The following WWC1 variants were observed in gnomAD, a reference collection of about 807,000 sequenced individuals.
The protein encoded by WWC1 is protein KIBRA.
Under a neutral mutation model 138.4 loss-of-function variants are expected in WWC1, and 55 were observed. The ratio of observed to expected loss-of-function variants is 0.40; its 90% CI spans 0.32 to 0.50. The LOEUF (loss-of-function observed/expected upper bound fraction) is 0.50, where lower values mean the gene tolerates loss of function less well. Ranked by LOEUF, WWC1 falls within the 20% of genes least tolerant of loss-of-function variation. The pLI is 0.72. For missense variants in WWC1, 1,226 were observed against 1,420.4 expected, an observed-to-expected ratio of 0.86 and a Z score of 2.20; for synonymous variants, 524 against 564.9, an observed-to-expected ratio of 0.93 and a Z score of 1.03.
intron 17 of WWC1, among the ~76,000 whole-genome samples, chr5:168,446,668 G>T (rs572039184): frequency 1.3e-5 from 2 of 152,178 alleles, no homozygotes; most frequent in African/African-American, 4.8e-5. Context: ...TGGGCAAGTC[G>T]CTCTAACCTT....
At chr5:168,306,026 T>C (rs1267808723) in intron 1 of WWC1, among the ~76,000 whole-genome samples, 1 of 152,196 alleles carries the variant, frequency 6.6e-6, no homozygotes, top group Non-Finnish European at 1.5e-5. Context: ...TAAAACCTAA[T>C]ATGTATAGTT....
intron 1 of WWC1, among the ~76,000 whole-genome samples, chr5:168,312,641 T>G (rs912221651): frequency 1.3e-5 from 2 of 152,184 alleles, no homozygotes; most frequent in Admixed American, 6.5e-5. Context: ...AGCCTATGCC[T>G]CCTAACCCTT....
chr5:168,340,429 TATA>T (rs1243565507), intron 1 of WWC1, among the ~76,000 whole-genome samples: 1 of 152,316 alleles, frequency 6.6e-6, no homozygotes, highest in East Asian at 1.9e-4. Flanking sequence ...CAATCACTTT[TATA>T]ATATTTTCAT....
In WWC1 at chr5:168,471,373, C is replaced by A. The variant is rs1757666052; in HGVS notation, c.*2356C>A. ...TTCTCTCTCCTTCCATTGAATTCCA[C>A]CAGACACATTCAGGGTTTACTTCGT... is the stretch of plus-strand genomic sequence containing the variant. On this transcript the variant is annotated 3_prime_UTR_variant, in exon 23 of 23. Coordinates refer to ENST00000265293, the MANE Select transcript of WWC1 (RefSeq NM_015238.3). The A allele has an allele frequency of 6.6e-6, 1 of 152,334 alleles. No individual in the cohort carries two copies. The highest frequency in any genetic ancestry group is 2.4e-5 in the African/African-American group (1 of 41,450). The allele number at this position is 152,334 out of a possible 1,614,324, so 9.4% of individuals were successfully genotyped here. A position where few individuals can be genotyped will look rare whatever the true frequency, so the allele number is the denominator to read the frequency against.
At chr5:168,404,387 C>G (rs1248431102) in intron 5 of WWC1, among the ~76,000 whole-genome samples, 1 of 152,234 alleles carries the variant, frequency 6.6e-6, no homozygotes, top group Non-Finnish European at 1.5e-5. Context: ...CCTGATAGGC[C>G]TGCCGAGGCC....
chr5:168,428,853 G>A (rs946226711), intron 13 of WWC1, 66 bp downstream of exon 13: 38 of 1,565,512 alleles, frequency 2.4e-5, no homozygotes, highest in Middle Eastern at 3.5e-4. Flanking sequence ...CATCCACAGC[G>A]TTCCCCAGCA....
At chr5:168,367,927 T>C (rs968970740) in intron 1 of WWC1, among the ~76,000 whole-genome samples, 4 of 145,702 alleles carry the variant, frequency 2.7e-5, no homozygotes, top group African/African-American at 7.6e-5. Flanking sequence ...AGCGTTTCAA[T>C]CTGTGTCTTT....
intron 1 of WWC1, among the ~76,000 whole-genome samples, chr5:168,350,700 A>T (rs1310236139): frequency 3.3e-5 from 5 of 152,246 alleles, no homozygotes; most frequent in African/African-American, 1.2e-4. Flanking sequence ...TCATTCATTC[A>T]TTCATTCTTC....
At chr5:168,408,965 G>GT (rs933252061) in intron 7 of WWC1, among the ~76,000 whole-genome samples, 33 of 149,902 alleles carry the variant, frequency 2.2e-4, no homozygotes, top group Middle Eastern at 3.4e-3. Context: ...TCTTTCTCTG[G>GT]TTTTTTTTTT....
chr5:168,375,426 A>ATT (rs758062668), intron 2 of WWC1, among the ~76,000 whole-genome samples: 6 of 152,166 alleles, frequency 3.9e-5, no homozygotes, highest in Non-Finnish European at 7.3e-5. Context: ...AAACCAATAG[A>ATT]TTTAGCAACC....
At chr5:168,423,137 T>G (rs1582243587) in intron 10 of WWC1, among the ~76,000 whole-genome samples, 1 of 72,156 alleles carries the variant, frequency 1.4e-5, no homozygotes, top group South Asian at 6.9e-4. Flanking sequence ...AGAGCAAGAC[T>G]CCATCCCCCC....
At chr5:168,376,274 A>C (rs1207344191) in intron 2 of WWC1, among the ~76,000 whole-genome samples, 1 of 146,622 alleles carries the variant, frequency 6.8e-6, no homozygotes, top group Non-Finnish European at 1.5e-5. Context: ...GGCTGGTTTC[A>C]AACTCCTGAC....
chr5:168,394,682 C>T (rs896563177), intron 3 of WWC1, among the ~76,000 whole-genome samples: 27 of 152,196 alleles, frequency 1.8e-4, no homozygotes, highest in South Asian at 8.3e-4. Context: ...GCCAAGTTCA[C>T]GCCACTGCAT....
In WWC1 at chr5:168,386,189, C is replaced by A. The variant is rs73805112; in HGVS notation, c.433+775C>A. ...CCTGCTCGGACAACTCTATCAGAAG[C>A]CTCTCTTCCTCAACTCTAGTCTTGG... On this transcript the variant is annotated intron_variant, in intron 3 of 22. Coordinates refer to ENST00000265293, the MANE Select transcript of WWC1 (RefSeq NM_015238.3). 4.2e-3 allele frequency among the ~76,000 whole-genome samples: 641 copies of A among 152,160 alleles called. 4 individuals carry two copies. The highest frequency in any genetic ancestry group is 0.014 in the African/African-American group (595 of 41,518).
intron 1 of WWC1, among the ~76,000 whole-genome samples, chr5:168,304,169 A>G (rs1286279092): frequency 6.6e-6 from 1 of 152,106 alleles, no homozygotes; most frequent in Non-Finnish European, 1.5e-5. Context: ...TCCCCATAAT[A>G]TATTTGATAA....
At chr5:168,389,369 T>A (rs2152822485) in intron 3 of WWC1, among the ~76,000 whole-genome samples, 1 of 150,478 alleles carries the variant, frequency 6.6e-6, no homozygotes. Context: ...ATCGCTTGCT[T>A]GAACCCAGGA....
chr5:168,468,762 A>G (rs888542425), intron 22 of WWC1, among the ~76,000 whole-genome samples, 189 bp from the exon 23 acceptor site: 1 of 152,180 alleles, frequency 6.6e-6, no homozygotes, highest in Non-Finnish European at 1.5e-5. Context: ...CAATGAGCTT[A>G]CGTTTTGGGT....
chr5:168,432,047 CAA>C (rs10532675), intron 15 of WWC1, among the ~76,000 whole-genome samples: 20,618 of 111,288 alleles, frequency 0.19, 1,657 homozygotes, highest in African/African-American at 0.25. Flanking sequence ...AACCCTGTGT[CAA>C]AAAAAAAAAA....
intron 2 of WWC1, 66 bp from the exon 3 acceptor site, chr5:168,385,145 C>A (rs1582111312): frequency 4.3e-5 from 67 of 1,569,106 alleles, no homozygotes; most frequent in African/African-American, 2.7e-5. Flanking sequence ...CTAGTGGATA[C>A]CACAGGCCAC....
Sources: allele counts gnomAD v4.1 joint callset (sites outside exome capture counted in the v4.1 genomes callset), GRCh38; gene constraint gnomAD v4.1.1; transcripts MANE v1.5; gene names NCBI Gene and HGNC (gene_info 2026-07-23, HGNC 2026-07-21).